Variants in IQCK observed in about 807,000 individuals in gnomAD.
IQCK encodes IQ motif containing K, also known as IQ domain-containing protein K.
Under a neutral mutation model 28.1 loss-of-function variants are expected in IQCK, and 29 were observed. The ratio of observed to expected loss-of-function variants is 1.03; its 90% CI spans 0.77 to 1.41. The LOEUF is 1.41. Ranked by LOEUF, IQCK falls within the 40% of genes most tolerant of loss-of-function variation. The pLI is 0.00. For synonymous variants in IQCK, 113 were observed against 115.1 expected (o/e 0.98, Z 0.12); for missense variants, 359 against 314.7 (o/e 1.14, Z -1.07).
rs1240451314 is a variant in IQCK at position 19,733,683 on chromosome 16, C to T, written c.247-15C>T. The T allele has an allele frequency of 6.2e-7, 1 of 1,613,438 alleles. No individual in the cohort carries two copies. Among genetic ancestry groups the T allele is most frequent in the South Asian group, 1.1e-5 (1 of 90,856 alleles). On this transcript the variant is annotated splice_polypyrimidine_tract_variant and intron_variant, in intron 2 of 7. Coordinates refer to ENST00000564186, the Ensembl canonical transcript of IQCK. ...TGTTTAAATGAATTGCCTCCCCTCCCCTGTCTGCCTCCAGGTTGCGCCAGT... is the reference window on the plus strand; with the variant it reads ...TGTTTAAATGAATTGCCTCCCCTCCTCTGTCTGCCTCCAGGTTGCGCCAGT...
intron 1 of IQCK, among the ~76,000 whole-genome samples, chr16:19,718,782 G>C (rs1021429540): frequency 6.6e-6 from 1 of 152,216 alleles, no homozygotes; most frequent in African/African-American, 2.4e-5. Context: ...CTTAAACCTC[G>C]GTTAGTGAAC....
intron 9 of IQCK, among the ~76,000 whole-genome samples, chr16:19,835,592 T>C (rs1024215497): frequency 2.2e-4 from 33 of 151,140 alleles, no homozygotes; most frequent in African/African-American, 6.3e-4. Context: ...CTTTTCTTTT[T>C]TTTTTTTTTT....
chr16:19,745,025 G>C (rs997890650), intron 4 of IQCK, among the ~76,000 whole-genome samples: 3 of 152,174 alleles, frequency 2.0e-5, no homozygotes, highest in African/African-American at 7.2e-5. Context: ...TGGAAGATGG[G>C]AAAGAGATGA....
At chr16:19,803,425 G>A (rs972065002) in intron 7 of IQCK, among the ~76,000 whole-genome samples, 7 of 152,142 alleles carry the variant, frequency 4.6e-5, no homozygotes, top group Non-Finnish European at 1.0e-4. Flanking sequence ...TTGCAGGTGT[G>A]AGCCACAGCA....
intron 7 of IQCK, among the ~76,000 whole-genome samples, chr16:19,803,095 A>T (rs1412016364): frequency 6.6e-6 from 1 of 152,072 alleles, no homozygotes; most frequent in Non-Finnish European, 1.5e-5. Context: ...TGAGAACAAG[A>T]GATAGGTTTG....
chr16:19,845,146 A>C (rs1364770400), intron 9 of IQCK, among the ~76,000 whole-genome samples: 1 of 152,184 alleles, frequency 6.6e-6, no homozygotes, highest in African/African-American at 2.4e-5. Flanking sequence ...TGTTAGCCCT[A>C]TCTGCCCTGG....
At chr16:19,830,553 AG>A (rs552973673), downstream of IQCK, among the ~76,000 whole-genome samples, 12 of 152,338 alleles carry the variant, frequency 7.9e-5, no homozygotes, top group South Asian at 2.5e-3. Flanking sequence ...ACCCATGGAT[AG>A]GTTCCCATAT....
At chr16:19,804,204 A>T (rs2055802764) in intron 7 of IQCK, among the ~76,000 whole-genome samples, 1 of 151,820 alleles carries the variant, frequency 6.6e-6, no homozygotes, top group African/African-American at 2.4e-5. Flanking sequence ...CAAAAAAAAA[A>T]TTAGCTGGGC....
intron 7 of IQCK, among the ~76,000 whole-genome samples, chr16:19,798,309 T>C (rs1393092467): frequency 9.4e-6 from 1 of 106,562 alleles, no homozygotes. Flanking sequence ...TCCCAGCTAC[T>C]TGGGAGGCTG....
intron 6 of IQCK, among the ~76,000 whole-genome samples, chr16:19,780,140 C>G (rs954633965): frequency 7.9e-5 from 12 of 151,902 alleles, no homozygotes; most frequent in African/African-American, 2.4e-4. Context: ...CTCCTAAGTT[C>G]AAGTGATTCT....
intron 4 of IQCK, among the ~76,000 whole-genome samples, chr16:19,754,768 A>G (rs1471811885): frequency 6.6e-6 from 1 of 152,098 alleles, no homozygotes; most frequent in East Asian, 1.9e-4. Context: ...AAGAAACTCT[A>G]TTTCCTGGTC....
chr16:19,834,270 A>G (rs2056267366), intron 9 of IQCK, among the ~76,000 whole-genome samples: 3 of 152,198 alleles, frequency 2.0e-5, no homozygotes, highest in Admixed American at 2.0e-4. Flanking sequence ...GTCCTCACAC[A>G]TGGTATCTCA....
intron 6 of IQCK, among the ~76,000 whole-genome samples, chr16:19,775,043 T>C (rs1265841481): frequency 2.0e-5 from 3 of 151,908 alleles, no homozygotes; most frequent in Non-Finnish European, 4.4e-5. Context: ...CTGGCCAACA[T>C]GGTGAAATCC....
chr16:19,853,817 A>G (rs2056518238), intron 9 of IQCK, among the ~76,000 whole-genome samples: 1 of 152,202 alleles, frequency 6.6e-6, no homozygotes, highest in South Asian at 2.1e-4. Context: ...TTTAGTAGAC[A>G]GGGTTTCACC....
intron 4 of IQCK, among the ~76,000 whole-genome samples, chr16:19,762,690 G>A (rs151006471): frequency 7.1e-4 from 108 of 152,098 alleles, no homozygotes; most frequent in African/African-American, 2.5e-3. Flanking sequence ...TAAACAATAC[G>A]GATGCCAAAC....
intron 4 of IQCK, among the ~76,000 whole-genome samples, chr16:19,760,635 T>C (rs926394094): frequency 6.6e-6 from 1 of 152,184 alleles, no homozygotes; most frequent in African/African-American, 2.4e-5. Flanking sequence ...TCTCCATTTC[T>C]CTGATCTCCT....
chr16:19,775,905 G>T, intron 6 of IQCK, among the ~76,000 whole-genome samples: 2 of 107,374 alleles, frequency 1.9e-5, no homozygotes, highest in African/African-American at 7.1e-5. Flanking sequence ...TTTTTGAGAA[G>T]GAGTCTATCT....
At chr16:19,772,646 A>G (rs1319202076) in intron 6 of IQCK, among the ~76,000 whole-genome samples, 2 of 152,168 alleles carry the variant, frequency 1.3e-5, no homozygotes, top group Non-Finnish European at 2.9e-5. Context: ...TGATGGACAC[A>G]TGGATTCCTT....
chr16:19,812,537 G>A (rs1056971227), intron 7 of IQCK, among the ~76,000 whole-genome samples: 55 of 152,132 alleles, frequency 3.6e-4, no homozygotes, highest in African/African-American at 6.3e-4. Context: ...TTATGACAGA[G>A]ACCATATGAT....
Sources: gnomAD v4.1 joint callset for allele counts (sites outside exome capture counted in the v4.1 genomes callset) on GRCh38, gnomAD v4.1.1 for gene constraint, MANE v1.5 for transcripts, NCBI Gene and HGNC (gene_info 2026-07-23, HGNC 2026-07-21) for gene names.